Variants in TEX9 observed in about 807,000 individuals in gnomAD.
TEX9 encodes testis-expressed protein 9.
TEX9 carries 74 observed loss-of-function variants against 59.6 expected under a neutral mutation model. The ratio of observed to expected loss-of-function variants is 1.24; its 90% CI spans 1.03 to 1.51. The LOEUF is 1.51. TEX9 is among the 40% of genes most tolerant of loss of function. The probability of loss-of-function intolerance (pLI) is 0.00; values close to 1 mark genes in which losing one functional copy is unlikely to be tolerated. For synonymous variants in TEX9, 186 were observed against 152.2 expected, an observed-to-expected ratio of 1.22 and a Z score of -1.64; for missense variants, 522 against 447.8, an observed-to-expected ratio of 1.17 and a Z score of -1.49.
At chr15:56,357,900 T>C (rs1307657258) in intron 1 of TEX9, among the ~76,000 whole-genome samples, 1 of 152,180 alleles carries the variant, frequency 6.6e-6, no homozygotes, top group Non-Finnish European at 1.5e-5. Flanking sequence ...GAAGTCTAAA[T>C]ATTTGTTATT....
intron 1 of TEX9, among the ~76,000 whole-genome samples, chr15:56,309,908 TG>T (rs2045571327): frequency 6.6e-6 from 1 of 151,820 alleles, no homozygotes; most frequent in South Asian, 2.1e-4. Context: ...AGGTGGGCAC[TG>T]GGAGAAGGGG....
intron 1 of TEX9, among the ~76,000 whole-genome samples, chr15:56,322,599 C>A (rs1470740459): frequency 9.9e-5 from 15 of 152,104 alleles, no homozygotes. Context: ...TGCTGCTAGG[C>A]AACTTGAAGG....
chr15:56,279,957 T>C (rs776629159), intron 1 of TEX9, among the ~76,000 whole-genome samples: 2 of 152,238 alleles, frequency 1.3e-5, no homozygotes, highest in Non-Finnish European at 2.9e-5. Context: ...ATGATGTTCT[T>C]GCAATATTGG....
intron 1 of TEX9, among the ~76,000 whole-genome samples, chr15:56,296,206 T>G (rs72740534): frequency 0.07 from 10,599 of 152,312 alleles, 462 homozygotes; most frequent in Non-Finnish European, 0.1. Context: ...AAAATTCACA[T>G]AAATTACATT....
At chr15:56,362,054 TAA>T (rs1385391317), upstream of TEX9, among the ~76,000 whole-genome samples, 1 of 152,196 alleles carries the variant, frequency 6.6e-6, no homozygotes. Flanking sequence ...TTAAATTTAT[TAA>T]AGTGTGTTAT....
chr15:56,262,907 A>C (rs1193636831), intron 1 of TEX9, among the ~76,000 whole-genome samples: 1 of 152,240 alleles, frequency 6.6e-6, no homozygotes, highest in Non-Finnish European at 1.5e-5. Context: ...GTCTGATATT[A>C]ATATAACCAC....
At chr15:56,451,410 T>C in the TEX9 span, among the ~76,000 whole-genome samples, 35 of 152,308 alleles carry the variant, frequency 2.3e-4, no homozygotes, top group Non-Finnish European at 5.0e-4. Context: ...TGTTTCAGCA[T>C]TTGCTTGATT....
intron 1 of TEX9, among the ~76,000 whole-genome samples, chr15:56,358,985 A>G (rs748116347): frequency 2.0e-5 from 3 of 152,160 alleles, no homozygotes; most frequent in Non-Finnish European, 4.4e-5. Context: ...CTTTGAGTCC[A>G]TTAAACCTCT....
chr15:56,392,971 T>C (rs1825707431), intron 7 of TEX9, among the ~76,000 whole-genome samples: 2 of 152,210 alleles, frequency 1.3e-5, no homozygotes, highest in South Asian at 4.1e-4. Context: ...TGGTTATGTG[T>C]GGGAGAAAAA....
intron 9 of TEX9, among the ~76,000 whole-genome samples, 196 bp from the exon 10 acceptor site, chr15:56,412,106 T>C (rs141909230): frequency 7.9e-5 from 12 of 152,278 alleles, no homozygotes; most frequent in Non-Finnish European, 8.8e-5. Context: ...TATATTTCTC[T>C]AATACCAATT....
intron 1 of TEX9, among the ~76,000 whole-genome samples, chr15:56,266,313 A>G (rs2044380232): frequency 6.7e-6 from 1 of 149,930 alleles, no homozygotes. Context: ...TTTAGTAGAG[A>G]TGGGGTTTCT....
At chr15:56,410,582 T>G (rs1487294018) in intron 9 of TEX9, among the ~76,000 whole-genome samples, 2 of 152,140 alleles carry the variant, frequency 1.3e-5, no homozygotes, top group African/African-American at 4.8e-5. Flanking sequence ...TTTAGTGGAT[T>G]TACTCATATA....
chr15:56,341,562 A>G lies in TEX9; in HGVS notation c.-106-31879A>G, dbSNP rs1348255478. ...CCTAGAAACAGAAGCTGACACAGGGATTCAGGTAGAAGGGAATTGAGGGAG... is the reference window on the plus strand; with the variant it reads ...CCTAGAAACAGAAGCTGACACAGGGGTTCAGGTAGAAGGGAATTGAGGGAG... On this transcript the variant is annotated intron_variant, in intron 1 of 5. Transcript: ENST00000560827. 2.0e-5 allele frequency among the ~76,000 whole-genome samples: 3 copies of G among 152,118 alleles called. No individual in the cohort carries two copies. The East Asian group carries it at 5.8e-4, about 29-fold the overall frequency.
chr15:56,264,444 T>C (rs1170383815), intron 1 of TEX9, among the ~76,000 whole-genome samples: 2 of 152,224 alleles, frequency 1.3e-5, no homozygotes, highest in East Asian at 1.9e-4. Flanking sequence ...TTTCTTCATA[T>C]TGAGTTTTTA....
intron 1 of TEX9, among the ~76,000 whole-genome samples, chr15:56,345,164 G>A (rs570924942): frequency 6.6e-6 from 1 of 151,410 alleles, no homozygotes; most frequent in East Asian, 1.9e-4. Context: ...TATTCTGGGA[G>A]AGCTTATCTC....
chr15:56,295,060 T>C (rs562652950), intron 1 of TEX9, among the ~76,000 whole-genome samples: 1 of 152,240 alleles, frequency 6.6e-6, no homozygotes, highest in African/African-American at 2.4e-5. Context: ...TTTCCTTAAC[T>C]AGTAATAAAC....
chr15:56,459,338 A>G, the TEX9 span, among the ~76,000 whole-genome samples: 1 of 152,124 alleles, frequency 6.6e-6, no homozygotes, highest in Non-Finnish European at 1.5e-5. Context: ...TAGATGTAAC[A>G]CATTTTGTTT....
At chr15:56,298,777 T>C (rs2141549798) in intron 1 of TEX9, among the ~76,000 whole-genome samples, 1 of 152,326 alleles carries the variant, frequency 6.6e-6, no homozygotes, top group East Asian at 1.9e-4. Context: ...GATTAGGCTC[T>C]CTCTTAGGCT....
chr15:56,272,853 T>C (rs2044570245), intron 1 of TEX9, among the ~76,000 whole-genome samples: 1 of 152,158 alleles, frequency 6.6e-6, no homozygotes, highest in Non-Finnish European at 1.5e-5. Flanking sequence ...CTGCTATTTA[T>C]GTAATTTGTC....
Sources: allele counts gnomAD v4.1 joint callset (sites outside exome capture counted in the v4.1 genomes callset), GRCh38; gene constraint gnomAD v4.1.1; transcripts MANE v1.5; gene names NCBI Gene and HGNC (gene_info 2026-07-23, HGNC 2026-07-21).